The following TMEM132B variants were observed in gnomAD, a reference collection of about 807,000 sequenced individuals.
TMEM132B encodes the protein transmembrane protein 132B.
TMEM132B carries 18 observed loss-of-function variants against 90.8 expected under a neutral mutation model. That is an observed-to-expected ratio of 0.20 (90% CI 0.14 to 0.29). TMEM132B has a LOEUF of 0.29. TMEM132B is among the 10% of genes least tolerant of loss of function. The pLI, the probability that TMEM132B is intolerant of heterozygous loss-of-function variation, is 1.00. For synonymous variants in TMEM132B, 504 were observed against 523.3 expected (o/e 0.96, Z 0.50); for missense variants, 1,096 against 1,326.8 (o/e 0.83, Z 2.70).
At chr12:125,326,528 G>C in intron 1 of TMEM132B, 1 of 1,389,744 alleles carries the variant, frequency 7.2e-7, no homozygotes, top group Non-Finnish European at 1.0e-6. Flanking sequence ...TCGGCTTAAT[G>C]CTGTTTGATG....
At chr12:125,377,497 G>T (rs184024925) in intron 2 of TMEM132B, among the ~76,000 whole-genome samples, 28 of 152,324 alleles carry the variant, frequency 1.8e-4, no homozygotes, top group African/African-American at 6.3e-4. Flanking sequence ...GTGTGCCTCA[G>T]TACCCCCTGC....
In TMEM132B at chr12:125,199,111, G is replaced by T. The variant is rs1056086932; in HGVS notation, c.67+12245G>T. Reference sequence around the variant, plus strand: ...TGTGCTGTTTCAGAGGCAGCACACAGTGGTAGTGATGGAGTTTGGCTCTTA... The same window carrying T: ...TGTGCTGTTTCAGAGGCAGCACACATTGGTAGTGATGGAGTTTGGCTCTTA... On this transcript the variant is annotated intron_variant, in intron 1 of 8. Coordinates refer to ENST00000682704, the MANE Select transcript of TMEM132B (RefSeq NM_001366854.1). 3.3e-5 allele frequency among the ~76,000 whole-genome samples: 5 copies of T among 152,276 alleles called. No individual in the cohort carries two copies. The South Asian group carries it at 6.2e-4, about 19-fold the overall frequency.
chr12:125,272,273 G>A (rs1375261921), intron 1 of TMEM132B, among the ~76,000 whole-genome samples: 1 of 152,194 alleles, frequency 6.6e-6, no homozygotes, highest in Non-Finnish European at 1.5e-5. Context: ...CCGAGCTAAA[G>A]GGATTGTTGC....
chr12:125,528,006 GA>G (rs1388105343), intron 4 of TMEM132B, among the ~76,000 whole-genome samples: 16 of 152,216 alleles, frequency 1.1e-4, no homozygotes, highest in Admixed American at 9.8e-4. Flanking sequence ...ACCGCTTCTT[GA>G]AAAGGGTGGT....
chr12:125,238,591 T>A (rs892088781), intron 1 of TMEM132B, among the ~76,000 whole-genome samples: 1 of 152,232 alleles, frequency 6.6e-6, no homozygotes, highest in Non-Finnish European at 1.5e-5. Flanking sequence ...GTGCTTCTGT[T>A]TTCTGGGCTC....
At chr12:125,599,750 A>G (rs1218203355) in intron 5 of TMEM132B, among the ~76,000 whole-genome samples, 2 of 152,190 alleles carry the variant, frequency 1.3e-5, no homozygotes, top group Non-Finnish European at 1.5e-5. Context: ...ATCTGGAAAA[A>G]GAGACATGGT....
At chr12:125,591,033 GTGTT>G (rs60003112) in intron 5 of TMEM132B, among the ~76,000 whole-genome samples, 1,958 of 152,218 alleles carry the variant, frequency 0.013, 37 homozygotes, top group African/African-American at 0.045. Flanking sequence ...GTGTGTGTGT[GTGTT>G]TGTGTGTGTG....
chr12:125,602,468 A>G (rs1337479328), intron 5 of TMEM132B, among the ~76,000 whole-genome samples: 11 of 152,210 alleles, frequency 7.2e-5, no homozygotes, highest in Admixed American at 7.2e-4. Flanking sequence ...ATATCTCAAA[A>G]TAATAAGAGC....
intron 1 of TMEM132B, among the ~76,000 whole-genome samples, chr12:125,335,547 T>C (rs1283266379): frequency 1.3e-5 from 2 of 152,228 alleles, no homozygotes; most frequent in Non-Finnish European, 2.9e-5. Context: ...TTTTGACAAA[T>C]AGACTTCCAC....
intron 2 of TMEM132B, among the ~76,000 whole-genome samples, chr12:125,377,314 G>C (rs1344181473): frequency 2.0e-5 from 3 of 152,208 alleles, no homozygotes; most frequent in African/African-American, 7.2e-5. Context: ...TGAACCAAGG[G>C]GAGACCCAGA....
intron 1 of TMEM132B, among the ~76,000 whole-genome samples, chr12:125,298,673 CA>C (rs36048797): frequency 9.5e-4 from 99 of 104,720 alleles, no homozygotes; most frequent in Middle Eastern, 6.1e-3. Flanking sequence ...GACTCTGTCT[CA>C]AAAAAAAAAA....
intron 4 of TMEM132B, among the ~76,000 whole-genome samples, chr12:125,557,464 A>G (rs1884417738): frequency 6.6e-6 from 1 of 152,236 alleles, no homozygotes; most frequent in African/African-American, 2.4e-5. Flanking sequence ...TCTATTACAT[A>G]TCATCTGGGT....
chr12:125,551,824 T>C (rs1336316562), intron 4 of TMEM132B, among the ~76,000 whole-genome samples: 1 of 152,170 alleles, frequency 6.6e-6, no homozygotes, highest in Non-Finnish European at 1.5e-5. Flanking sequence ...CATGGGTCTG[T>C]CATTCTTCTT....
intron 1 of TMEM132B, among the ~76,000 whole-genome samples, chr12:125,256,353 G>T (rs1874438556): frequency 6.6e-6 from 1 of 152,228 alleles, no homozygotes; most frequent in Admixed American, 6.5e-5. Flanking sequence ...GTCATGGAGG[G>T]GTGGTCAGGG....
Position 125,657,299 on chromosome 12 carries a change from ACC to A in TMEM132B, c.*2591_*2592del, listed in dbSNP as rs2137065457. 6.6e-6 allele frequency: 1 copy of A among 151,646 alleles called. No homozygotes were observed. The highest frequency in any genetic ancestry group is 2.1e-4 in the South Asian group (1 of 4,782). 9.4% of individuals were successfully genotyped at this position (151,646 alleles called of 1,614,324 possible). A position where few individuals can be genotyped will look rare whatever the true frequency, so the allele number is the denominator to read the frequency against. ...GGGTTCCTTCCACCATATAACCCAC[ACC>A]CAGATGTATATAAACGCATATACAT... On this transcript the variant is annotated 3_prime_UTR_variant, in exon 9 of 9. Coordinates refer to ENST00000682704, the MANE Select transcript of TMEM132B (RefSeq NM_001366854.1).
At chr12:125,265,436 GTC>G (rs150162098) in intron 1 of TMEM132B, among the ~76,000 whole-genome samples, 1,775 of 152,196 alleles carry the variant, frequency 0.012, 23 homozygotes, top group African/African-American at 0.036. Context: ...CGTGAATGTG[GTC>G]TCTCTCTCTG....
intron 1 of TMEM132B, among the ~76,000 whole-genome samples, chr12:125,274,371 C>T (rs1297082957): frequency 6.6e-6 from 1 of 152,216 alleles, no homozygotes. Context: ...CCAACACAGA[C>T]AGGCCTGAAT....
chr12:125,274,298 G>A (rs746276215), intron 1 of TMEM132B, among the ~76,000 whole-genome samples: 29 of 152,082 alleles, frequency 1.9e-4, no homozygotes, highest in Admixed American at 2.6e-4. Flanking sequence ...GCTGACATTT[G>A]GGTTGTTGCC....
intron 1 of TMEM132B, among the ~76,000 whole-genome samples, chr12:125,340,873 C>T (rs761259641): frequency 2.0e-5 from 3 of 152,220 alleles, no homozygotes; most frequent in African/African-American, 7.2e-5. Flanking sequence ...ACATGGAGCC[C>T]ACCAGAGGAG....
Sources: gnomAD v4.1 joint callset for allele counts (sites outside exome capture counted in the v4.1 genomes callset) on GRCh38, gnomAD v4.1.1 for gene constraint, MANE v1.5 for transcripts, NCBI Gene and HGNC (gene_info 2026-07-23, HGNC 2026-07-21) for gene names.